The following ERC2 variants were observed in gnomAD, a reference collection of about 807,000 sequenced individuals.
ERC2 encodes the protein ERC protein 2.
ERC2 carries 42 observed loss-of-function variants against 114.8 expected under a neutral mutation model. The ratio of observed to expected loss-of-function variants is 0.37; its 90% CI spans 0.29 to 0.47. ERC2 has a LOEUF of 0.47. ERC2 is among the 20% of genes least tolerant of loss of function. The probability of loss-of-function intolerance (pLI) is 0.99; values close to 1 mark genes in which losing one functional copy is unlikely to be tolerated. For missense variants in ERC2, 939 were observed against 1,150.7 expected (o/e 0.82, Z 2.66); for synonymous variants, 454 against 425.5 (o/e 1.07, Z -0.82).
chr3:55,767,807 G>A (rs962256718), intron 14 of ERC2, among the ~76,000 whole-genome samples: 5 of 152,198 alleles, frequency 3.3e-5, no homozygotes, highest in East Asian at 1.9e-4. Flanking sequence ...AGCTATGAAC[G>A]TTCTCGTTAC....
chr3:56,186,114 TA>T (rs201544979), intron 3 of ERC2, among the ~76,000 whole-genome samples: 152 of 102,496 alleles, frequency 1.5e-3, no homozygotes, highest in African/African-American at 4.9e-3. Flanking sequence ...TCAAGAACCT[TA>T]AAAAAAAAAA....
chr3:55,672,148 G>C (rs2061585493), intron 17 of ERC2, among the ~76,000 whole-genome samples: 1 of 151,960 alleles, frequency 6.6e-6, no homozygotes, highest in African/African-American at 2.4e-5. Flanking sequence ...GACCAACCTG[G>C]ACAACATGGC....
chr3:55,799,450 C>CATATATATAT (rs59209006), intron 14 of ERC2, among the ~76,000 whole-genome samples: 135 of 105,982 alleles, frequency 1.3e-3, no homozygotes, highest in African/African-American at 3.7e-3. Flanking sequence ...TATATATATG[C>CATATATATAT]ATATATATAT....
At chr3:56,118,207 G>C (rs2079357902) in intron 6 of ERC2, among the ~76,000 whole-genome samples, 1 of 152,162 alleles carries the variant, frequency 6.6e-6, no homozygotes. Flanking sequence ...ACCATGCTGA[G>C]CACATGCTAG....
chr3:55,828,096 G>A (rs1407202532), intron 14 of ERC2, among the ~76,000 whole-genome samples: 3 of 152,210 alleles, frequency 2.0e-5, no homozygotes, highest in African/African-American at 4.8e-5. Flanking sequence ...AAAGAGGCAC[G>A]AAAGAATAAA....
chr3:55,631,355 G>A (rs2067745), intron 17 of ERC2, among the ~76,000 whole-genome samples: 26,139 of 152,112 alleles, frequency 0.17, 2,506 homozygotes, highest in East Asian at 0.43. Context: ...TCCCCTAAAT[G>A]CTCAGATGCA....
chr3:55,551,990 C>T (rs934354497), intron 17 of ERC2, among the ~76,000 whole-genome samples: 3 of 152,090 alleles, frequency 2.0e-5, no homozygotes, highest in Admixed American at 2.0e-4. Context: ...TTGAAACATA[C>T]CCCAGGCCCT....
chr3:56,246,479 A>T (rs1165658412), intron 3 of ERC2, among the ~76,000 whole-genome samples: 3 of 152,220 alleles, frequency 2.0e-5, no homozygotes, highest in East Asian at 3.9e-4. Context: ...ATTTTATTAT[A>T]ATAATAATAA....
chr3:55,645,707 C>T lies in ERC2; in HGVS notation c.*39+38087G>A, dbSNP rs1465891083. On this transcript the variant is annotated intron_variant, in intron 17 of 17. Transcript: ENST00000288221. The stretch of plus-strand genomic sequence containing the variant: ...CACAGTGGGGGGCCCACCGTTAAAA[C>T]GGGAAGGATGTCTGAGTGGGGCTAA... 3.3e-5 allele frequency among the ~76,000 whole-genome samples: 5 copies of T among 152,118 alleles called. 1 individual carries two copies. The highest frequency in any genetic ancestry group is 4.8e-5 in the African/African-American group (2 of 41,410).
chr3:56,145,342 G>A (rs577502031), intron 5 of ERC2, among the ~76,000 whole-genome samples: 88 of 152,284 alleles, frequency 5.8e-4, no homozygotes, highest in African/African-American at 2.0e-3. Context: ...ATACTGGAAT[G>A]AGTAGATGAA....
rs912795515 is a variant in ERC2 at position 56,191,517 on chromosome 3, C to T, written c.1075-17997G>A. On this transcript the variant is annotated intron_variant, in intron 3 of 17. Transcript: ENST00000288221. The stretch of plus-strand genomic sequence containing the variant: ...AACTCCATGAGATCCTGCAATCAAC[C>T]TCATTTTACAGAGGAGGGGAGTAAG... Among the ~76,000 whole-genome samples the T allele has an allele frequency of 2.5e-4, 38 of 152,144 alleles. 1 individual carries two copies. Among genetic ancestry groups the T allele is most frequent in the Non-Finnish European group, 7.4e-5 (5 of 68,024 alleles).
At chr3:55,672,242 G>A (rs2061590899) in intron 17 of ERC2, among the ~76,000 whole-genome samples, 2 of 151,354 alleles carry the variant, frequency 1.3e-5, no homozygotes, top group Admixed American at 6.6e-5. Flanking sequence ...GGAGGCTGAT[G>A]TGGAGGATCT....
At chr3:56,263,040 A>G (rs113893762) in intron 3 of ERC2, among the ~76,000 whole-genome samples, 297 of 152,308 alleles carry the variant, frequency 1.9e-3, no homozygotes, top group African/African-American at 6.6e-3. Context: ...ATACTAGCCC[A>G]TTTCCATTCA....
chr3:56,273,018 C>T (rs1282524366), intron 3 of ERC2, among the ~76,000 whole-genome samples: 1 of 152,206 alleles, frequency 6.6e-6, no homozygotes, highest in East Asian at 1.9e-4. Context: ...ATAGCATCAG[C>T]TGATCTTCAA....
At chr3:55,650,261 G>A (rs966066068) in intron 17 of ERC2, among the ~76,000 whole-genome samples, 6 of 152,078 alleles carry the variant, frequency 3.9e-5, no homozygotes, top group African/African-American at 7.2e-5. Flanking sequence ...AAGAGTCCTC[G>A]CAAGGCTCCC....
intron 14 of ERC2, among the ~76,000 whole-genome samples, chr3:55,765,329 T>G (rs2067701076): frequency 6.6e-6 from 1 of 152,230 alleles, no homozygotes; most frequent in Non-Finnish European, 1.5e-5. Context: ...TGAAGTCTAC[T>G]TTTCTTGGCA....
At position 56,173,359 on chromosome 3, in the gene ERC2, GTTCAT is replaced by G. The variant is rs893443422; in HGVS notation, c.1149+82_1149+86del. On this transcript the variant is annotated intron_variant, in intron 4 of 17. Coordinates refer to ENST00000288221, the MANE Select transcript of ERC2 (RefSeq NM_015576.3). ...CAGGGTGCCTAGAGAAAAACACAAG[GTTCAT>G]TTCATGTTTATATTAGGCACCACCA... 5.4e-6 allele frequency: 7 copies of G among 1,290,634 alleles called. No individual in the cohort carries two copies. The African/African-American group carries it at 7.3e-5, about 13-fold the overall frequency. The allele number at this position is 1,290,634 out of a possible 1,614,324, so 79.9% of individuals were successfully genotyped here.
At chr3:56,053,971 C>A (rs1352418581) in intron 7 of ERC2, among the ~76,000 whole-genome samples, 1 of 152,162 alleles carries the variant, frequency 6.6e-6, no homozygotes, top group Non-Finnish European at 1.5e-5. Context: ...GGTCCACCCC[C>A]ACCCCGAATA....
At chr3:55,600,192 C>T (rs1400213006) in intron 17 of ERC2, among the ~76,000 whole-genome samples, 1 of 151,930 alleles carries the variant, frequency 6.6e-6, no homozygotes, top group East Asian at 1.9e-4. Context: ...TAGTGAGAAC[C>T]TGAGGATAAT....
Sources: allele counts gnomAD v4.1 joint callset (sites outside exome capture counted in the v4.1 genomes callset), GRCh38; gene constraint gnomAD v4.1.1; transcripts MANE v1.5; gene names NCBI Gene and HGNC (gene_info 2026-07-23, HGNC 2026-07-21).